The following ACSM3 variants were observed in gnomAD, a reference collection of about 807,000 sequenced individuals.
ACSM3 encodes the protein acyl-CoA synthetase medium chain family member 3.
ACSM3 carries 61 observed loss-of-function variants against 74.1 expected under a neutral mutation model. The ratio of observed to expected loss-of-function variants is 0.82; its 90% CI spans 0.67 to 1.02. ACSM3 has a LOEUF of 1.02. Ranked by LOEUF, ACSM3 falls within the 50% of genes least tolerant of loss-of-function variation. The pLI, the probability that ACSM3 is intolerant of heterozygous loss-of-function variation, is 0.00. For missense variants in ACSM3, 660 were observed against 697.0 expected, an observed-to-expected ratio of 0.95 and a Z score of 0.60; for synonymous variants, 213 against 241.5, an observed-to-expected ratio of 0.88 and a Z score of 1.09.
Position 20,776,348 on chromosome 16 carries a change from G to C in ACSM3, c.430+299G>C, listed in dbSNP as rs560914410. On this transcript the variant is annotated intron_variant, in intron 3 of 13. Transcript: ENST00000289416. ...GGTTGTTGGTTTCTTGAAGAACCCT[G>C]ATGGAGAGGCCTGGTCCTTCCCAAA... 1.3e-4 allele frequency among the ~76,000 whole-genome samples: 20 copies of C among 152,328 alleles called. No individual in the cohort carries two copies. The South Asian group carries it at 3.9e-3, about 30-fold the overall frequency.
intron 2 of ACSM3, among the ~76,000 whole-genome samples, chr16:20,750,543 G>A (rs751942256): frequency 7.9e-5 from 12 of 152,146 alleles, no homozygotes; most frequent in Non-Finnish European, 1.5e-4. Flanking sequence ...AGGGGAGAGC[G>A]GGGCCTCTGA....
At chr16:20,683,715 C>CTCTTTCTTTCTT (rs55684501) in intron 1 of ACSM3, among the ~76,000 whole-genome samples, 1,535 of 136,340 alleles carry the variant, frequency 0.011, 33 homozygotes, top group Non-Finnish European at 0.014. Flanking sequence ...CTCTCTCTCT[C>CTCTTTCTTTCTT]TCTTTCTTTC....
rs146424835 is a variant in ACSM3, at chr16:20,792,044, T to C, written c.1369T>C (p.Tyr457His). The change falls in exon 11 of 14, where the codon TAT becomes CAT. Residue 457 changes from tyrosine to histidine, a missense_variant. Transcript: ENST00000289416. Reference protein sequence around the residue: ...KTASTLRGNFYITGDRGYMDK... With the variant: ...KTASTLRGNFHITGDRGYMDK... ...AGCTTCAACTCTACGAGGCAATTTC[T>C]ATATCACTGGGGACAGAGGATATAT... The C allele has an allele frequency of 6.2e-7, 1 of 1,614,176 alleles. No homozygotes were observed. The highest frequency in any genetic ancestry group is 1.1e-5 in the South Asian group (1 of 91,088).
chr16:20,753,701 C>T (rs982489389), intron 2 of ACSM3, among the ~76,000 whole-genome samples: 3 of 151,976 alleles, frequency 2.0e-5, no homozygotes, highest in East Asian at 1.9e-4. Context: ...ATACAGACAA[C>T]TATTTTTGAG....
chr16:20,747,695 A>G (rs1435677809), intron 1 of ACSM3, among the ~76,000 whole-genome samples: 3 of 152,236 alleles, frequency 2.0e-5, no homozygotes, highest in African/African-American at 7.2e-5. Context: ...TGAATCACCA[A>G]TGGTGGCATC....
intron 1 of ACSM3, among the ~76,000 whole-genome samples, chr16:20,742,512 G>A (rs560512212): frequency 8.5e-5 from 13 of 152,178 alleles, no homozygotes; most frequent in African/African-American, 1.4e-4. Context: ...GCGTGGTGGC[G>A]CGCACCTGTA....
chr16:20,755,600 C>G (rs234285), exon 3 of ACSM3: 1 of 151,048 alleles, frequency 6.6e-6, no homozygotes, highest in Non-Finnish European at 1.5e-5. Context: ...GCTAAAACCC[C>G]TGGAATTTCT....
chr16:20,744,340 A>G (rs67573009), intron 1 of ACSM3, among the ~76,000 whole-genome samples: 19,835 of 152,276 alleles, frequency 0.13, 1,364 homozygotes, highest in East Asian at 0.21. Flanking sequence ...CAAGCACAGA[A>G]GCCATGCTCA....
In ACSM3 at chr16:20,682,360, G is replaced by A. The variant is rs1316344572; in HGVS notation, c.-190+7538G>A. The A allele has an allele frequency of 2.5e-6, 4 of 1,614,070 alleles. No homozygotes were observed. In the South Asian group the frequency reaches 3.3e-5, roughly 13 times the overall value. On this transcript the variant is annotated intron_variant, in intron 1 of 3. Coordinates refer to the ACSM3 transcript ENST00000561584. ...GAGAAGCTATGGAGTCCACCTCTGAGGCAAGGGCATCTATGGTCACAATGC... is the reference window on the plus strand; with the variant it reads ...GAGAAGCTATGGAGTCCACCTCTGAAGCAAGGGCATCTATGGTCACAATGC...
chr16:20,733,489 A>C (rs971035520), intron 1 of ACSM3, among the ~76,000 whole-genome samples: 4 of 152,126 alleles, frequency 2.6e-5, no homozygotes, highest in Admixed American at 6.6e-5. Flanking sequence ...AAAATATCTG[A>C]AACTTGGATT....
At chr16:20,730,434 A>T (rs1002080819) in intron 1 of ACSM3, among the ~76,000 whole-genome samples, 1 of 152,152 alleles carries the variant, frequency 6.6e-6, no homozygotes, top group Non-Finnish European at 1.5e-5. Flanking sequence ...GAAGAAGCCC[A>T]ATTTTCCTAA....
At chr16:20,689,590 T>C (rs569330247) in intron 1 of ACSM3, among the ~76,000 whole-genome samples, 2 of 152,336 alleles carry the variant, frequency 1.3e-5, no homozygotes, top group African/African-American at 4.8e-5. Flanking sequence ...TTGAATATGA[T>C]AAAATCAATG....
intron 1 of ACSM3, among the ~76,000 whole-genome samples, chr16:20,718,008 GA>G (rs1567323291): frequency 2.9e-4 from 42 of 145,304 alleles, no homozygotes; most frequent in African/African-American, 9.2e-4. Flanking sequence ...AGAAGAAGAA[GA>G]AGAAGAAGAA....
At chr16:20,713,973 A>G (rs2079752554) in intron 1 of ACSM3, among the ~76,000 whole-genome samples, 3 of 152,204 alleles carry the variant, frequency 2.0e-5, no homozygotes, top group African/African-American at 7.2e-5. Context: ...CTTCTATTCA[A>G]GGAGTTCATT....
chr16:20,784,288 T>C (rs2080420670), intron 7 of ACSM3, among the ~76,000 whole-genome samples: 1 of 152,234 alleles, frequency 6.6e-6, no homozygotes, highest in African/African-American at 2.4e-5. Flanking sequence ...GTTATACTAG[T>C]CCTGTTTCTA....
At chr16:20,716,272 T>C (rs1169815550) in intron 1 of ACSM3, among the ~76,000 whole-genome samples, 1 of 152,176 alleles carries the variant, frequency 6.6e-6, no homozygotes, top group African/African-American at 2.4e-5. Flanking sequence ...TAGGGATTGT[T>C]GGCAGAAAAG....
At chr16:20,712,424 A>G (rs2152378909) in intron 1 of ACSM3, among the ~76,000 whole-genome samples, 1 of 152,350 alleles carries the variant, frequency 6.6e-6, no homozygotes, top group East Asian at 1.9e-4. Context: ...ATGAATGAGC[A>G]AAAGAAATCA....
upstream of ACSM3, chr16:20,763,818 C>G (rs2080097396): frequency 6.6e-6 from 1 of 152,210 alleles, no homozygotes; most frequent in Non-Finnish European, 1.5e-5. Flanking sequence ...TGGACACTTT[C>G]CTTCTTGTTA....
chr16:20,789,511 G>C (rs977892178), intron 9 of ACSM3: 2 of 1,613,528 alleles, frequency 1.2e-6, no homozygotes, highest in African/African-American at 2.7e-5. Context: ...CCCTTTTCCT[G>C]TTTACTCATA....
Sources: gnomAD v4.1 joint callset for allele counts (sites outside exome capture counted in the v4.1 genomes callset) on GRCh38, gnomAD v4.1.1 for gene constraint, MANE v1.5 for transcripts, NCBI Gene and HGNC (gene_info 2026-07-23, HGNC 2026-07-21) for gene names.